Variants in MSRB3 observed in about 807,000 individuals in gnomAD.
MSRB3 encodes methionine-R-sulfoxide reductase B3.
Under a neutral mutation model 21.0 loss-of-function variants are expected in MSRB3, and 13 were observed. The observed-to-expected ratio is 0.62, with a 90% CI of 0.40 to 0.98. The LOEUF (loss-of-function observed/expected upper bound fraction) is 0.98, where lower values mean the gene tolerates loss of function less well. Among genes scored for constraint, MSRB3 ranks in the 50% least tolerant of loss-of-function variants. MSRB3 has a pLI of 0.00. For synonymous variants in MSRB3, 87 were observed against 88.6 expected, an observed-to-expected ratio of 0.98 and a Z score of 0.10; for missense variants, 199 against 230.3, an observed-to-expected ratio of 0.86 and a Z score of 0.88.
chr12:65,382,693 G>T (rs1879001244), intron 5 of MSRB3, among the ~76,000 whole-genome samples: 1 of 151,700 alleles, frequency 6.6e-6, no homozygotes, highest in Admixed American at 6.6e-5. Flanking sequence ...TATTAGATTT[G>T]TTGGGGCTTT....
intron 5 of MSRB3, among the ~76,000 whole-genome samples, chr12:65,370,089 A>G (rs1878234252): frequency 6.6e-6 from 1 of 151,980 alleles, no homozygotes; most frequent in Admixed American, 6.6e-5. Flanking sequence ...TAGTTTGGTA[A>G]CTCCAGAAAT....
intron 6 of MSRB3, among the ~76,000 whole-genome samples, chr12:65,461,639 T>A (rs1010123376): frequency 3.3e-5 from 5 of 152,220 alleles, no homozygotes; most frequent in African/African-American, 1.2e-4. Context: ...AAGATTCTAG[T>A]GCTTTTCATT....
At chr12:65,310,091 A>G (rs539660338) in intron 2 of MSRB3, among the ~76,000 whole-genome samples, 6 of 152,252 alleles carry the variant, frequency 3.9e-5, no homozygotes, top group Non-Finnish European at 4.4e-5. Flanking sequence ...GGAGTAAGGT[A>G]TTTGTCTTGA....
At chr12:65,336,451 T>G (rs1389586241) in intron 4 of MSRB3, among the ~76,000 whole-genome samples, 1 of 152,214 alleles carries the variant, frequency 6.6e-6, no homozygotes, top group Non-Finnish European at 1.5e-5. Context: ...TGTGTGTATG[T>G]GTATTATTTG....
chr12:65,431,545 A>G (rs889946050), intron 5 of MSRB3, among the ~76,000 whole-genome samples: 1 of 152,082 alleles, frequency 6.6e-6, no homozygotes, highest in African/African-American at 2.4e-5. Context: ...TGGACCATGT[A>G]GCTATCGATG....
chr12:65,413,953 G>A (rs1159435066), intron 5 of MSRB3, among the ~76,000 whole-genome samples: 2 of 152,102 alleles, frequency 1.3e-5, no homozygotes, highest in Non-Finnish European at 2.9e-5. Context: ...TGGTACAAAG[G>A]CCTTATGATA....
rs1217556107 is a variant in MSRB3 at position 65,463,870 on chromosome 12, G to C, written c.*548G>C. 1 of 155,568 alleles carries C rather than the reference G, an allele frequency of 6.4e-6. No homozygotes were observed. Among genetic ancestry groups the C allele is most frequent in the Non-Finnish European group, 1.4e-5 (1 of 70,376 alleles). 9.6% of individuals were successfully genotyped at this position (155,568 alleles called of 1,614,324 possible). A position where few individuals can be genotyped will look rare whatever the true frequency, so the allele number is the denominator to read the frequency against. On this transcript the variant is annotated 3_prime_UTR_variant, in exon 7 of 7. Coordinates refer to ENST00000308259, the MANE Select transcript of MSRB3 (RefSeq NM_001031679.3). Reference sequence around the variant, plus strand: ...CACTGAAAGGGTGTGAAGGTCTAAAGTCTTTCCTTATGTTAAATTGTTGCC... The same window carrying C: ...CACTGAAAGGGTGTGAAGGTCTAAACTCTTTCCTTATGTTAAATTGTTGCC...
chr12:65,281,177 C>A (rs1364086583), intron 1 of MSRB3, among the ~76,000 whole-genome samples: 1 of 152,142 alleles, frequency 6.6e-6, no homozygotes, highest in Admixed American at 6.5e-5. Context: ...TGTGGTAAGC[C>A]GTGATCACAC....
chr12:65,425,131 A>G (rs745626391), intron 5 of MSRB3, among the ~76,000 whole-genome samples: 56 of 54,884 alleles, frequency 1.0e-3, no homozygotes, highest in Middle Eastern at 0.01. Flanking sequence ...CTCATTTTAC[A>G]GTTTTTGACT....
intron 4 of MSRB3, among the ~76,000 whole-genome samples, chr12:65,358,305 A>T (rs1877507048): frequency 6.6e-6 from 1 of 151,436 alleles, no homozygotes; most frequent in Non-Finnish European, 1.5e-5. Flanking sequence ...TTTTTTATAG[A>T]GAAGGGGGTC....
At chr12:65,442,522 T>A (rs1882431849) in intron 5 of MSRB3, among the ~76,000 whole-genome samples, 1 of 152,056 alleles carries the variant, frequency 6.6e-6, no homozygotes, top group Non-Finnish European at 1.5e-5. Context: ...TCACTTGGTA[T>A]TTTTAAGGTC....
At chr12:65,444,285 T>C (rs1390700331) in intron 5 of MSRB3, among the ~76,000 whole-genome samples, 1 of 152,180 alleles carries the variant, frequency 6.6e-6, no homozygotes, top group African/African-American at 2.4e-5. Context: ...ACAATGGTCA[T>C]TTAAGGCATT....
intron 4 of MSRB3, among the ~76,000 whole-genome samples, chr12:65,365,503 A>G (rs941046837): frequency 1.3e-5 from 2 of 152,008 alleles, no homozygotes; most frequent in Admixed American, 1.3e-4. Context: ...ATCATGGAGG[A>G]CCCTTTATAC....
chr12:65,372,666 G>A (rs1371921148), intron 5 of MSRB3, among the ~76,000 whole-genome samples: 1 of 152,208 alleles, frequency 6.6e-6, no homozygotes, highest in Admixed American at 6.5e-5. Flanking sequence ...GCTGGAGGAA[G>A]CAGAGCATTG....
At chr12:65,432,126 AT>A (rs1393367558) in intron 5 of MSRB3, among the ~76,000 whole-genome samples, 1 of 152,014 alleles carries the variant, frequency 6.6e-6, no homozygotes, top group African/African-American at 2.4e-5. Context: ...AAAAGAAGGG[AT>A]TCTGTCTATA....
intron 1 of MSRB3, among the ~76,000 whole-genome samples, chr12:65,290,578 C>T (rs1291620944): frequency 6.6e-6 from 1 of 152,158 alleles, no homozygotes; most frequent in Non-Finnish European, 1.5e-5. Flanking sequence ...CTCTGGGATT[C>T]ACTATTGCTT....
At chr12:65,346,513 A>C (rs1056143155) in intron 4 of MSRB3, among the ~76,000 whole-genome samples, 1 of 151,956 alleles carries the variant, frequency 6.6e-6, no homozygotes, top group Non-Finnish European at 1.5e-5. Flanking sequence ...AGATTGCAAA[A>C]ATTTTCTCCC....
At chr12:65,435,057 A>C (rs1882055378) in intron 5 of MSRB3, among the ~76,000 whole-genome samples, 1 of 151,890 alleles carries the variant, frequency 6.6e-6, no homozygotes. Flanking sequence ...ACTCCACGGC[A>C]CTTAATGACT....
At chr12:65,322,756 G>C (rs1874766028) in intron 2 of MSRB3, among the ~76,000 whole-genome samples, 3 of 151,600 alleles carry the variant, frequency 2.0e-5, no homozygotes, top group Admixed American at 2.0e-4. Context: ...AAGTCTACTT[G>C]CTGTTTGTCC....
Sources: gnomAD v4.1 joint callset for allele counts (sites outside exome capture counted in the v4.1 genomes callset) on GRCh38, gnomAD v4.1.1 for gene constraint, MANE v1.5 for transcripts, NCBI Gene and HGNC (gene_info 2026-07-23, HGNC 2026-07-21) for gene names.